Variants in ACACB observed in about 807,000 individuals in gnomAD.
ACACB encodes the protein acetyl-CoA carboxylase beta, also known as acetyl-CoA carboxylase 2.
A neutral mutation model predicts 278.8 loss-of-function variants in ACACB; 209 were observed. The observed-to-expected ratio is 0.75, with a 90% CI of 0.67 to 0.84. The LOEUF (loss-of-function observed/expected upper bound fraction) is 0.84, where lower values mean the gene tolerates loss of function less well. Ranked by LOEUF, ACACB falls within the 40% of genes least tolerant of loss-of-function variation. The pLI is 0.00. For synonymous variants in ACACB, 1,174 were observed against 1,285.6 expected (o/e 0.91, Z 1.86); for missense variants, 2,850 against 3,269.0 (o/e 0.87, Z 3.13).
chr12:109,140,854 C>G (rs146157536), intron 2 of ACACB, among the ~76,000 whole-genome samples: 655 of 146,272 alleles, frequency 4.5e-3, no homozygotes, highest in Admixed American at 9.1e-3. Flanking sequence ...AGGGGCAGTT[C>G]TCTCTGCCTC....
At chr12:109,162,838 G>C (rs1322518372) in intron 2 of ACACB, among the ~76,000 whole-genome samples, 1 of 152,142 alleles carries the variant, frequency 6.6e-6, no homozygotes, top group Non-Finnish European at 1.5e-5. Context: ...GGGTCAACCA[G>C]GTCCACCACA....
chr12:109,197,757 G>A (rs2045192741), intron 17 of ACACB, among the ~76,000 whole-genome samples: 1 of 152,122 alleles, frequency 6.6e-6, no homozygotes, highest in Non-Finnish European at 1.5e-5. Context: ...ATCACGCAAT[G>A]AAACAGACCC....
intron 2 of ACACB, 62 bp downstream of exon 2, chr12:109,140,120 C>G: frequency 6.7e-7 from 1 of 1,486,178 alleles, no homozygotes; most frequent in Non-Finnish European, 8.9e-7. Context: ...CCACACCCTT[C>G]CCAACCTGTG....
intron 28 of ACACB, among the ~76,000 whole-genome samples, chr12:109,228,033 C>CA (rs1444511686): frequency 0.014 from 989 of 71,724 alleles, 6 homozygotes; most frequent in East Asian, 0.041. Flanking sequence ...GACTCCGTCT[C>CA]AAAAAAAAAA....
Position 109,209,372 on chromosome 12 carries a change from A to G in ACACB, c.3249+19A>G. Reference sequence around the variant, plus strand: ...CCAGCAGGTGCGTGCTCCCCTGCCCAGCCCCACCCCACCAGGATGGTCACA... The same window carrying G: ...CCAGCAGGTGCGTGCTCCCCTGCCCGGCCCCACCCCACCAGGATGGTCACA... On this transcript the variant is annotated intron_variant, in intron 21 of 52. Coordinates refer to ENST00000338432, the MANE Select transcript of ACACB (RefSeq NM_001093.4). 6.3e-7 allele frequency: 1 copy of G among 1,596,578 alleles called. No homozygotes were observed. The highest frequency in any genetic ancestry group is 1.1e-5 in the South Asian group (1 of 89,128).
Position 109,265,148 on chromosome 12 carries a change from T to C in ACACB, c.6981T>C (p.Tyr2327=). The C allele has an allele frequency of 6.2e-7, 1 of 1,613,656 alleles. No individual in the cohort carries two copies. The highest frequency in any genetic ancestry group is 8.5e-7 in the Non-Finnish European group (1 of 1,179,820). ...GGAAGACCGCACGCACCTTCCTGTA[T>C]TGGCGTCTGCGCCGCCTCCTCCTGG... ...LEWKTARTFL[Y]WRLRRLLLED... The change falls in exon 51 of 53, where the codon TAT becomes TAC. Residue 2327 remains tyrosine (Y), a synonymous_variant. Transcript: ENST00000338432.
At chr12:109,219,018 C>T (rs923148968) in intron 24 of ACACB, among the ~76,000 whole-genome samples, 4 of 151,752 alleles carry the variant, frequency 2.6e-5, no homozygotes, top group Admixed American at 6.6e-5. Flanking sequence ...CCACCAGCCT[C>T]GGCCTCCCAA....
chr12:109,250,976 T>TGCATGCACGTGGTCTGCCA (rs2047078954), intron 41 of ACACB, among the ~76,000 whole-genome samples: 2 of 152,312 alleles, frequency 1.3e-5, no homozygotes, highest in South Asian at 4.1e-4. Flanking sequence ...GTGGGCTGTC[T>TGCATGCACGTGGTCTGCCA]GCATGCACGT....
At chr12:109,151,151 A>AT (rs2043364525) in intron 2 of ACACB, among the ~76,000 whole-genome samples, 2 of 151,634 alleles carry the variant, frequency 1.3e-5, no homozygotes, top group South Asian at 4.2e-4. Flanking sequence ...TGCCCAGCTA[A>AT]TTTTTGTATT....
At chr12:109,153,296 A>T (rs972196503) in intron 2 of ACACB, among the ~76,000 whole-genome samples, 1 of 152,104 alleles carries the variant, frequency 6.6e-6, no homozygotes, top group African/African-American at 2.4e-5. Flanking sequence ...GCCTGTTTTC[A>T]TGATTCTGAT....
intron 36 of ACACB, chr12:109,242,209 T>C: frequency 2.0e-6 from 1 of 500,462 alleles, no homozygotes; most frequent in East Asian, 3.3e-5. Context: ...GATGCCTTGA[T>C]CACTGTATTT....
At chr12:109,139,340 G>A in intron 1 of ACACB, 57 bp from the exon 2 acceptor site, 1 of 1,515,616 alleles carries the variant, frequency 6.6e-7, no homozygotes, top group East Asian at 2.3e-5. Context: ...AGCTTCTTTA[G>A]GAGAGAAATC....
chr12:109,181,840 C>CTTTTTTTTTTTTTTTT (rs34174568), intron 11 of ACACB, among the ~76,000 whole-genome samples: 6 of 81,550 alleles, frequency 7.4e-5, no homozygotes, highest in Non-Finnish European at 8.6e-5. Flanking sequence ...TTTTCCTTTC[C>CTTTTTTTTTTTTTTTT]TTTTTTTTTT....
At chr12:109,223,010 A>G in intron 26 of ACACB, 98 bp downstream of exon 26, 4 of 938,884 alleles carry the variant, frequency 4.3e-6, no homozygotes, top group Non-Finnish European at 5.0e-6. Flanking sequence ...CCAGGTGCTC[A>G]GTGGGGTGCA....
chr12:109,241,164 C>T lies in ACACB; in HGVS notation c.4905C>T (p.Asn1635=), dbSNP rs762039573. ...TGCTACAGGCTGAGGTCAAGATCAA[C>T]ATCCGCCAGACCACCACCGGCAGTG... The part of the protein sequence containing the change: ...LRVLQAEVKI[N]IRQTTTGSAV... Residue 1635 remains asparagine (N), a synonymous_variant, in exon 36 of 53, where the codon AAC becomes AAT. Coordinates refer to ENST00000338432, the MANE Select transcript of ACACB (RefSeq NM_001093.4). 1 of 1,614,164 alleles carries T rather than the reference C, an allele frequency of 6.2e-7. No homozygotes were observed. The highest frequency in any genetic ancestry group is 2.2e-5 in the East Asian group (1 of 44,880).
chr12:109,157,290 A>ATTAT (rs1172975105), intron 2 of ACACB, among the ~76,000 whole-genome samples: 1 of 150,236 alleles, frequency 6.7e-6, no homozygotes, highest in African/African-American at 2.4e-5. Flanking sequence ...TATTATTATT[A>ATTAT]TTATTATTAC....
chr12:109,242,619 C>G, intron 37 of ACACB, 27 bp downstream of exon 37: 1 of 1,611,590 alleles, frequency 6.2e-7, no homozygotes, highest in Non-Finnish European at 8.5e-7. Context: ...AGACGCGGTA[C>G]CCCCTGGGTC....
At position 109,240,004 on chromosome 12, in the gene ACACB, G is replaced by T. The variant is rs771719997; in HGVS notation, c.4818+19G>T. 9 of 1,608,972 alleles carry T rather than the reference G, an allele frequency of 5.6e-6. No homozygotes were observed. Among genetic ancestry groups the T allele is most frequent in the African/African-American group, 1.3e-5 (1 of 74,760 alleles). ...CTTCAAGGTCTCGCCTTTGCAGGGGGGCTCTCACCGGGCTCTGGGTTCACC... is the reference window on the plus strand; with the variant it reads ...CTTCAAGGTCTCGCCTTTGCAGGGGTGCTCTCACCGGGCTCTGGGTTCACC... On this transcript the variant is annotated intron_variant, in intron 35 of 52. Transcript: ENST00000338432.
intron 24 of ACACB, among the ~76,000 whole-genome samples, chr12:109,218,197 G>GT (rs2046058823): frequency 6.6e-6 from 1 of 152,066 alleles, no homozygotes; most frequent in African/African-American, 2.4e-5. Flanking sequence ...GCAGTCTTTT[G>GT]TTTTTTGTCT....
Sources: gnomAD v4.1 joint callset for allele counts (sites outside exome capture counted in the v4.1 genomes callset) on GRCh38, gnomAD v4.1.1 for gene constraint, MANE v1.5 for transcripts, NCBI Gene and HGNC (gene_info 2026-07-23, HGNC 2026-07-21) for gene names.